The following CHD9 variants were observed in gnomAD, a reference collection of about 807,000 sequenced individuals.
CHD9 encodes the protein chromodomain helicase DNA binding protein 9, also known as ATP-dependent chromatin remodeler CHD9.
Under a neutral mutation model 316.1 loss-of-function variants are expected in CHD9, and 77 were observed. The ratio of observed to expected loss-of-function variants is 0.24; its 90% CI spans 0.20 to 0.29. The LOEUF (loss-of-function observed/expected upper bound fraction) is 0.29. CHD9 is among the 10% of genes least tolerant of loss of function. The pLI, the probability that CHD9 is intolerant of heterozygous loss-of-function variation, is 1.00. For missense variants in CHD9, 2,763 were observed against 3,438.1 expected (o/e 0.80, Z 4.91); for synonymous variants, 1,129 against 1,158.3 (o/e 0.97, Z 0.51).
chr16:53,254,691 C>A, intron 18 of CHD9, 86 bp downstream of exon 18: 2 of 1,263,150 alleles, frequency 1.6e-6, no homozygotes, highest in Non-Finnish European at 2.2e-6. Context: ...TAGTTTTGGT[C>A]CATGCAGAAT....
Position 53,235,197 on chromosome 16 carries a change from T to C in CHD9, c.2524T>C (p.Ser842Pro). 3 of 1,557,198 alleles carry C rather than the reference T, an allele frequency of 1.9e-6. No homozygotes were observed. Among genetic ancestry groups the C allele is most frequent in the Non-Finnish European group, 2.6e-6 (3 of 1,148,572 alleles). ...PDTRRLDRPP[S>P]NIWKKIDQSR... is the part of the protein sequence containing the mutation. ...TTTTTCCACAAAGGACCGTCCTCCT[T>C]CTAATATTTGGAAGAAAATAGATCA... Residue 842 changes from serine (S) to proline (P), a missense_variant, in exon 11 of 39, where the codon TCT becomes CCT. Physicochemically the swap from Ser to Pro is moderately conservative, Grantham distance 74. This residue lies in a region of CHD9 where 186 missense variants were observed against 245.0 expected (regional missense o/e 0.76). Transcript: ENST00000447540.
chr16:53,086,171 G>A (rs999523378), intron 1 of CHD9, among the ~76,000 whole-genome samples: 6 of 152,122 alleles, frequency 3.9e-5, no homozygotes, highest in Non-Finnish European at 7.4e-5. Context: ...GGAGGCCCAC[G>A]TGGGTCTCCC....
At chr16:53,246,836 T>G (rs2152958685) in intron 15 of CHD9, among the ~76,000 whole-genome samples, 1 of 152,294 alleles carries the variant, frequency 6.6e-6, no homozygotes, top group East Asian at 1.9e-4. Flanking sequence ...AATTTTTTCT[T>G]GTTTCCTTGT....
intron 1 of CHD9, among the ~76,000 whole-genome samples, chr16:53,094,928 C>T (rs911560432): frequency 6.6e-6 from 1 of 152,154 alleles, no homozygotes; most frequent in African/African-American, 2.4e-5. Flanking sequence ...CGTGAGCCAC[C>T]GCGCCCGGCC....
chr16:53,088,362 C>A (rs1427090513), intron 1 of CHD9, among the ~76,000 whole-genome samples: 1 of 148,812 alleles, frequency 6.7e-6, no homozygotes, highest in African/African-American at 2.5e-5. Flanking sequence ...ACTGCCAGCT[C>A]CGCCTCCCAG....
chr16:53,060,683 G>A (rs1030484638), intron 1 of CHD9, among the ~76,000 whole-genome samples: 24 of 152,150 alleles, frequency 1.6e-4, no homozygotes, highest in Admixed American at 9.8e-4. Context: ...TTGAGCTGAG[G>A]AGTTTGAGGT....
intron 1 of CHD9, among the ~76,000 whole-genome samples, chr16:53,153,048 C>G (rs1377599002): frequency 1.3e-5 from 2 of 152,102 alleles, no homozygotes; most frequent in African/African-American, 2.4e-5. Flanking sequence ...ATAACTACAT[C>G]AAATGCTGCT....
intron 22 of CHD9, 34 bp downstream of exon 22, chr16:53,268,160 A>G (rs1232396336): frequency 4.3e-6 from 6 of 1,404,648 alleles, no homozygotes; most frequent in Admixed American, 2.1e-5. Context: ...TTTAAAATTT[A>G]TTTTTAGTTA....
rs193037288 is a variant in CHD9 at position 53,166,900 on chromosome 16, A to C, written c.1452+9359A>C. 1.8e-3 allele frequency among the ~76,000 whole-genome samples: 267 copies of C among 152,294 alleles called. 1 individual carries two copies. The highest frequency in any genetic ancestry group is 3.4e-3 in the Middle Eastern group (1 of 294). On this transcript the variant is annotated intron_variant, in intron 2 of 38. Transcript: ENST00000447540. ...ATGCCTGAAAACAGTACAGGTTTACATTGACCATTTCATGGGTTCATAGAA... is the reference window on the plus strand; with the variant it reads ...ATGCCTGAAAACAGTACAGGTTTACCTTGACCATTTCATGGGTTCATAGAA...
intron 22 of CHD9, among the ~76,000 whole-genome samples, chr16:53,269,159 A>C (rs991703883): frequency 3.3e-5 from 5 of 152,140 alleles, no homozygotes; most frequent in Non-Finnish European, 5.9e-5. Context: ...GCCAATTTAC[A>C]ATCCTCTCAG....
intron 37 of CHD9, 171 bp from the exon 38 acceptor site, chr16:53,321,355 A>G: frequency 7.2e-7 from 1 of 1,394,406 alleles, no homozygotes; most frequent in East Asian, 2.6e-5. Flanking sequence ...ATATTACATC[A>G]GTAGTCCATA....
rs2047675346 is a variant in CHD9 at position 53,226,578 on chromosome 16, A to G, written c.2043+66A>G. ...CGACATAAATTCTATAAATACTTGC[A>G]TTGTTTTTCCTACTAAAAATTGCTC... On this transcript the variant is annotated intron_variant, in intron 5 of 38. Coordinates refer to ENST00000447540, the MANE Select transcript of CHD9 (RefSeq NM_001308319.2). 27 of 1,527,440 alleles carry G rather than the reference A, an allele frequency of 1.8e-5. No homozygotes were observed. The South Asian group carries it at 3.4e-4, about 19-fold the overall frequency. The allele number at this position is 1,527,440 out of a possible 1,614,324, so 94.6% of individuals were successfully genotyped here.
At chr16:53,181,953 G>T (rs192075139) in intron 2 of CHD9, among the ~76,000 whole-genome samples, 1 of 152,210 alleles carries the variant, frequency 6.6e-6, no homozygotes, top group Admixed American at 6.5e-5. Flanking sequence ...GGTGGTGCAT[G>T]CCTGTAATCC....
intron 1 of CHD9, among the ~76,000 whole-genome samples, chr16:53,148,699 A>C (rs552300300): frequency 6.6e-6 from 1 of 152,280 alleles, no homozygotes; most frequent in African/African-American, 2.4e-5. Context: ...TGTCTTTCTG[A>C]TACTGAGTTG....
At chr16:53,125,455 C>T (rs1370260971) in intron 1 of CHD9, among the ~76,000 whole-genome samples, 4 of 151,978 alleles carry the variant, frequency 2.6e-5, no homozygotes, top group South Asian at 2.1e-4. Context: ...AGGCTGGTCT[C>T]GAACTCCTGA....
intron 18 of CHD9, 70 bp downstream of exon 18, chr16:53,254,675 G>A: frequency 7.1e-7 from 1 of 1,415,086 alleles, no homozygotes; most frequent in Non-Finnish European, 9.6e-7. Flanking sequence ...CCAATAGTGT[G>A]TCATTTAGTT....
chr16:53,162,930 T>A (rs1414593763), intron 2 of CHD9, among the ~76,000 whole-genome samples: 1 of 151,810 alleles, frequency 6.6e-6, no homozygotes, highest in Non-Finnish European at 1.5e-5. Context: ...CCACCAAGCC[T>A]GGCTAACTTT....
intron 1 of CHD9, among the ~76,000 whole-genome samples, chr16:53,070,621 C>A (rs1009246740): frequency 2.0e-5 from 3 of 151,288 alleles, no homozygotes; most frequent in African/African-American, 7.3e-5. Context: ...ATGGCGTGAT[C>A]TTGGCTCACT....
intron 1 of CHD9, among the ~76,000 whole-genome samples, chr16:53,055,783 C>G (rs891389990): frequency 6.6e-6 from 1 of 152,150 alleles, no homozygotes; most frequent in Non-Finnish European, 1.5e-5. Context: ...CCATCCCCCA[C>G]CCCCCACAGT....
Sources: allele counts gnomAD v4.1 joint callset (sites outside exome capture counted in the v4.1 genomes callset), GRCh38; gene constraint gnomAD v4.1.1; regional missense constraint gnomAD v4.1.1; transcripts MANE v1.5; gene names NCBI Gene and HGNC (gene_info 2026-07-23, HGNC 2026-07-21).